The following CDH13 variants were observed in gnomAD, a reference collection of about 807,000 sequenced individuals.
CDH13 encodes cadherin 13.
Under a neutral mutation model 63.8 loss-of-function variants are expected in CDH13, and 24 were observed. The ratio of observed to expected loss-of-function variants is 0.38; its 90% CI spans 0.27 to 0.53. The LOEUF (loss-of-function observed/expected upper bound fraction) is 0.53, where lower values mean the gene tolerates loss of function less well. CDH13 is among the 20% of genes least tolerant of loss of function. The pLI, the probability that CDH13 is intolerant of heterozygous loss-of-function variation, is 0.85. For synonymous variants in CDH13, 503 were observed against 355.3 expected (o/e 1.42, Z -4.67); for missense variants, 1,049 against 903.1 (o/e 1.16, Z -2.07).
chr16:83,558,292 G>A (rs1314274817), intron 7 of CDH13, among the ~76,000 whole-genome samples: 1 of 152,184 alleles, frequency 6.6e-6, no homozygotes, highest in Admixed American at 6.5e-5. Context: ...CCAGTTAGCA[G>A]AGAGGGATGA....
At chr16:83,171,681 C>A (rs997513138) in intron 4 of CDH13, 2 of 859,138 alleles carry the variant, frequency 2.3e-6, no homozygotes, top group Non-Finnish European at 3.7e-6. Flanking sequence ...ATAGCATGCT[C>A]TTTGGCAGGC....
intron 1 of CDH13, among the ~76,000 whole-genome samples, chr16:82,736,655 A>T (rs1024352018): frequency 2.0e-5 from 3 of 152,160 alleles, no homozygotes; most frequent in African/African-American, 2.4e-5. Context: ...CAAGTCTCCC[A>T]TGGTTAATAC....
intron 1 of CDH13, among the ~76,000 whole-genome samples, chr16:82,818,622 T>C (rs1045102206): frequency 1.3e-5 from 2 of 152,174 alleles, no homozygotes; most frequent in African/African-American, 4.8e-5. Context: ...TAGCCAACAT[T>C]TACCTTTTAG....
Position 83,511,419 on chromosome 16 carries a change from G to A in CDH13, c.960+24764G>A, listed in dbSNP as rs147904462. Among the ~76,000 whole-genome samples the A allele has an allele frequency of 1.6e-3, 236 of 151,490 alleles. 1 individual carries two copies. The highest frequency in any genetic ancestry group is 5.4e-3 in the African/African-American group (223 of 41,190). On this transcript the variant is annotated intron_variant, in intron 7 of 13. Coordinates refer to ENST00000567109, the MANE Select transcript of CDH13 (RefSeq NM_001257.5). ...CAAGGTTGCAGTGAGCTGAGATCAC[G>A]CCACTGCACAGCAGCCTGGGGGACA...
intron 6 of CDH13, among the ~76,000 whole-genome samples, chr16:83,434,836 A>AAT (rs67112329): frequency 2.6e-4 from 28 of 106,824 alleles, no homozygotes; most frequent in Admixed American, 1.9e-3. Flanking sequence ...ACCTATTTAA[A>AAT]ATATATATAT....
intron 2 of CDH13, among the ~76,000 whole-genome samples, chr16:82,946,850 A>C (rs527760694): frequency 6.6e-6 from 1 of 152,234 alleles, no homozygotes; most frequent in Non-Finnish European, 1.5e-5. Flanking sequence ...TGATTTATAC[A>C]TACAATCACT....
intron 2 of CDH13, among the ~76,000 whole-genome samples, chr16:82,922,183 T>A (rs1281766005): frequency 1.3e-5 from 2 of 152,210 alleles, no homozygotes; most frequent in Non-Finnish European, 2.9e-5. Flanking sequence ...GTAAGATTTG[T>A]CAATTTTGTT....
At chr16:83,418,344 C>A (rs1374790117) in intron 6 of CDH13, among the ~76,000 whole-genome samples, 1 of 152,092 alleles carries the variant, frequency 6.6e-6, no homozygotes, top group Non-Finnish European at 1.5e-5. Flanking sequence ...AAAATAAATA[C>A]AAGCATCCTA....
At chr16:83,209,939 C>T (rs1488083112) in intron 4 of CDH13, among the ~76,000 whole-genome samples, 1 of 152,154 alleles carries the variant, frequency 6.6e-6, no homozygotes, top group Non-Finnish European at 1.5e-5. Flanking sequence ...AAAGGCACAG[C>T]TCAGAGGGCT....
At chr16:83,155,530 C>T (rs1363624253) in intron 4 of CDH13, among the ~76,000 whole-genome samples, 3 of 152,102 alleles carry the variant, frequency 2.0e-5, no homozygotes, top group African/African-American at 7.2e-5. Context: ...GACTCTTCCT[C>T]CAGCTCTCCT....
intron 6 of CDH13, among the ~76,000 whole-genome samples, chr16:83,360,055 T>C (rs561229187): frequency 1.2e-4 from 19 of 152,250 alleles, no homozygotes; most frequent in Non-Finnish European, 2.6e-4. Flanking sequence ...GCCTGGTTTA[T>C]TTTACTTAGC....
At chr16:82,704,727 C>T (rs1398615832) in intron 1 of CDH13, among the ~76,000 whole-genome samples, 2 of 152,188 alleles carry the variant, frequency 1.3e-5, no homozygotes, top group Non-Finnish European at 2.9e-5. Flanking sequence ...ATAGCCCTGG[C>T]TTATTAGAAT....
chr16:83,716,300 A>C (rs1361406766), intron 10 of CDH13, among the ~76,000 whole-genome samples: 2 of 152,164 alleles, frequency 1.3e-5, no homozygotes, highest in Non-Finnish European at 2.9e-5. Flanking sequence ...AGTGCAAATT[A>C]GGGTTCCCTT....
intron 13 of CDH13, among the ~76,000 whole-genome samples, chr16:83,791,495 C>CA (rs953465310): frequency 2.0e-5 from 3 of 151,234 alleles, no homozygotes; most frequent in African/African-American, 4.9e-5. Context: ...GAATCCATCT[C>CA]AAAAAAATAA....
intron 4 of CDH13, among the ~76,000 whole-genome samples, chr16:83,154,653 C>G (rs2037131948): frequency 6.6e-6 from 1 of 151,992 alleles, no homozygotes. Flanking sequence ...GTAGCCTAAG[C>G]TGACTGATAA....
intron 2 of CDH13, among the ~76,000 whole-genome samples, chr16:82,876,900 GA>G (rs773826231): frequency 6.6e-6 from 1 of 152,030 alleles, no homozygotes. Context: ...TCTGACCATA[GA>G]AAAAAAGTAT....
At chr16:83,013,484 T>C (rs1474923793) in intron 2 of CDH13, among the ~76,000 whole-genome samples, 1 of 152,194 alleles carries the variant, frequency 6.6e-6, no homozygotes, top group Non-Finnish European at 1.5e-5. Context: ...CGCTTCAGTG[T>C]CATAATCACA....
At chr16:82,849,147 T>C (rs1057481849) in intron 1 of CDH13, among the ~76,000 whole-genome samples, 4 of 152,104 alleles carry the variant, frequency 2.6e-5, no homozygotes, top group African/African-American at 9.7e-5. Flanking sequence ...AGGAGAAAAG[T>C]TGGAAGCTAG....
At chr16:82,938,359 C>G (rs2042732100) in intron 2 of CDH13, among the ~76,000 whole-genome samples, 1 of 152,230 alleles carries the variant, frequency 6.6e-6, no homozygotes, top group Non-Finnish European at 1.5e-5. Flanking sequence ...ACTCAGTAAA[C>G]TGAGCAGATT....
Sources: allele counts gnomAD v4.1 joint callset (sites outside exome capture counted in the v4.1 genomes callset), GRCh38; gene constraint gnomAD v4.1.1; transcripts MANE v1.5; gene names NCBI Gene and HGNC (gene_info 2026-07-23, HGNC 2026-07-21).